LAMA1: variants seen among roughly 807,000 people sequenced by gnomAD.
LAMA1 encodes laminin subunit alpha 1.
A neutral mutation model predicts 348.7 loss-of-function variants in LAMA1; 219 were observed. The observed-to-expected ratio is 0.63, with a 90% CI of 0.56 to 0.70. The LOEUF (loss-of-function observed/expected upper bound fraction) is 0.70, where lower values mean the gene tolerates loss of function less well. Among genes scored for constraint, LAMA1 ranks in the 30% least tolerant of loss-of-function variants. The pLI is 0.00. For missense variants in LAMA1, 3,744 were observed against 3,888.0 expected, an observed-to-expected ratio of 0.96 and a Z score of 0.99; for synonymous variants, 1,487 against 1,491.0, an observed-to-expected ratio of 1.00 and a Z score of 0.06.
chr18:7,091,633 G>A (rs556225972), intron 1 of LAMA1, among the ~76,000 whole-genome samples: 5 of 152,160 alleles, frequency 3.3e-5, no homozygotes, highest in South Asian at 2.1e-4. Context: ...TTTCACTATC[G>A]CGGGGCATGT....
intron 19 of LAMA1, among the ~76,000 whole-genome samples, chr18:7,019,392 C>T (rs76628813): frequency 1.1e-3 from 173 of 152,162 alleles, no homozygotes; most frequent in African/African-American, 3.7e-3. Context: ...CATTTCAAGC[C>T]GCCTCTTTCT....
intron 1 of LAMA1, among the ~76,000 whole-genome samples, chr18:7,114,076 CAAAAAAAAAA>C (rs4012960): frequency 1.7e-5 from 2 of 115,392 alleles, no homozygotes; most frequent in African/African-American, 6.4e-5. Context: ...GACTCCGTCT[CAAAAAAAAAA>C]AAAAAAGAAA....
intron 3 of LAMA1, among the ~76,000 whole-genome samples, chr18:7,067,652 T>A (rs185589772): frequency 2.0e-5 from 3 of 152,182 alleles, no homozygotes; most frequent in Admixed American, 6.5e-5. Context: ...ACACTCGAGA[T>A]TTGTGCATTT....
intron 51 of LAMA1, among the ~76,000 whole-genome samples, chr18:6,963,545 C>T (rs1178067055): frequency 6.6e-6 from 1 of 152,206 alleles, no homozygotes; most frequent in African/African-American, 2.4e-5. Context: ...AAGTGGCTCT[C>T]TCTACAAAAG....
chr18:6,957,572 C>T (rs1242147176), intron 55 of LAMA1, among the ~76,000 whole-genome samples: 1 of 152,112 alleles, frequency 6.6e-6, no homozygotes, highest in Non-Finnish European at 1.5e-5. Context: ...AAGTCAGTGA[C>T]CCAGCCAGGA....
intron 1 of LAMA1, among the ~76,000 whole-genome samples, chr18:7,084,399 C>T (rs1300697663): frequency 2.0e-5 from 3 of 152,116 alleles, no homozygotes; most frequent in South Asian, 2.1e-4. Context: ...AAGGGTAGAA[C>T]GAGGACTGTA....
chr18:6,950,597 TGGGGATA>T (rs776555140), intron 58 of LAMA1, among the ~76,000 whole-genome samples, 178 bp downstream of exon 58: 2 of 152,212 alleles, frequency 1.3e-5, no homozygotes, highest in Non-Finnish European at 2.9e-5. Flanking sequence ...AGCAAGGCCC[TGGGGATA>T]TTTCGGAAGC....
intron 39 of LAMA1, among the ~76,000 whole-genome samples, chr18:6,984,607 C>T (rs1043195665): frequency 6.6e-6 from 1 of 152,174 alleles, no homozygotes; most frequent in Non-Finnish European, 1.5e-5. Flanking sequence ...TTCCAATGTG[C>T]AGACAAGTTT....
At chr18:7,105,634 C>T (rs2058309144) in intron 1 of LAMA1, among the ~76,000 whole-genome samples, 1 of 152,052 alleles carries the variant, frequency 6.6e-6, no homozygotes, top group Non-Finnish European at 1.5e-5. Flanking sequence ...GCTCCTGTGA[C>T]CTGTCCATTT....
intron 3 of LAMA1, among the ~76,000 whole-genome samples, chr18:7,059,032 G>A (rs1476297710): frequency 1.3e-5 from 2 of 152,122 alleles, no homozygotes; most frequent in African/African-American, 4.8e-5. Flanking sequence ...TGGGATTACA[G>A]GCACCTGCCA....
At chr18:6,962,352 C>T (rs1017134517) in intron 51 of LAMA1, among the ~76,000 whole-genome samples, 4 of 147,590 alleles carry the variant, frequency 2.7e-5, no homozygotes, top group African/African-American at 1.0e-4. Context: ...TTTGAGGCTG[C>T]ATTGAGCCAT....
intron 57 of LAMA1, among the ~76,000 whole-genome samples, chr18:6,952,246 C>A (rs1317693436): frequency 1.3e-5 from 2 of 152,172 alleles, no homozygotes; most frequent in African/African-American, 2.4e-5. Context: ...TCTGTGACAG[C>A]CAAGGAAGTC....
At chr18:7,012,633 GTA>G (rs2057866778) in intron 23 of LAMA1, among the ~76,000 whole-genome samples, 1 of 150,674 alleles carries the variant, frequency 6.6e-6, no homozygotes, top group African/African-American at 2.4e-5. Flanking sequence ...AGCCTCCCGA[GTA>G]GCTGGGACTA....
At chr18:6,942,767 A>T (rs1170349977) in intron 62 of LAMA1, among the ~76,000 whole-genome samples, 2 of 152,194 alleles carry the variant, frequency 1.3e-5, no homozygotes, top group African/African-American at 4.8e-5. Flanking sequence ...AAAAAAAGTC[A>T]TACAACAGGT....
intron 3 of LAMA1, among the ~76,000 whole-genome samples, chr18:7,068,881 T>C (rs976556737): frequency 6.6e-6 from 1 of 152,142 alleles, no homozygotes; most frequent in African/African-American, 2.4e-5. Flanking sequence ...TTACCCCTTT[T>C]TTTCAGCTTC....
chr18:7,034,668 G>A lies in LAMA1; in HGVS notation c.1862C>T (p.Thr621Ile), dbSNP rs1372291355. ...CTGCAATGACAGACCCTCAGCCTGT[G>A]TGCTTAAAGTGAGTCCGTTTCCCTA... is the stretch of plus-strand genomic sequence containing the variant. ...IIKGNGLTLS[T>I]QAEGLSLQPY... The change falls in exon 14 of 63, where the codon ACA (threonine) becomes ATA (isoleucine). Residue 621 changes from threonine to isoleucine, a missense_variant. Physicochemically the swap from Thr to Ile is moderately conservative, Grantham distance 89 (BLOSUM62 -1). This residue lies in a region of LAMA1 where 1,529 missense variants were observed against 1,689.4 expected (regional missense o/e 0.91). Coordinates refer to ENST00000389658, the MANE Select transcript of LAMA1 (RefSeq NM_005559.4). 3 of 1,613,950 alleles carry A rather than the reference G, an allele frequency of 1.9e-6. No individual in the cohort carries two copies. The highest frequency in any genetic ancestry group is 3.3e-5 in the Admixed American group (2 of 60,024).
At chr18:7,093,079 C>T (rs2058246063) in intron 1 of LAMA1, among the ~76,000 whole-genome samples, 2 of 152,142 alleles carry the variant, frequency 1.3e-5, no homozygotes, top group Non-Finnish European at 2.9e-5. Context: ...CCCAACACTT[C>T]CTTGTTCAAT....
Position 7,079,955 on chromosome 18 carries a change from A to G in LAMA1, c.345+20T>C, listed in dbSNP as rs771585446. 1.0e-5 allele frequency: 16 copies of G among 1,557,388 alleles called. No individual in the cohort carries two copies. In the East Asian group the frequency reaches 1.3e-4, roughly 13 times the overall value. On this transcript the variant is annotated intron_variant, in intron 3 of 62. Transcript: ENST00000389658. Reference sequence around the variant, plus strand: ...CTCAGCAGCCTGTAGACACTCTTCAATGGTTCTGGGCTCACCTACCTGTCT... The same window carrying G: ...CTCAGCAGCCTGTAGACACTCTTCAGTGGTTCTGGGCTCACCTACCTGTCT...
chr18:7,108,578 C>T (rs2058323213), intron 1 of LAMA1, among the ~76,000 whole-genome samples: 3 of 132,544 alleles, frequency 2.3e-5, no homozygotes, highest in Middle Eastern at 5.5e-3. Flanking sequence ...ATTGCTTGAA[C>T]CCGGAAGGCA....
Sources: gnomAD v4.1 joint callset for allele counts (sites outside exome capture counted in the v4.1 genomes callset) on GRCh38, gnomAD v4.1.1 for gene constraint, gnomAD v4.1.1 regional missense constraint, MANE v1.5 for transcripts, NCBI Gene and HGNC (gene_info 2026-07-23, HGNC 2026-07-21) for gene names.